Variants in PDE4DIP observed in about 807,000 individuals in gnomAD.
The protein encoded by PDE4DIP is myomegalin.
In PDE4DIP, 59 loss-of-function variants were observed where a neutral mutation model predicts 221.4. That is an observed-to-expected ratio of 0.27 (90% CI 0.22 to 0.33). The LOEUF (loss-of-function observed/expected upper bound fraction) is 0.33, where lower values mean the gene tolerates loss of function less well. Among genes scored for constraint, PDE4DIP ranks in the 10% least tolerant of loss-of-function variants. The pLI is 1.00. For synonymous variants in PDE4DIP, 404 were observed against 815.9 expected, an observed-to-expected ratio of 0.50 and a Z score of 8.60; for missense variants, 1,036 against 2,154.2, an observed-to-expected ratio of 0.48 and a Z score of 10.28.
chr1:148,987,514 A>G (rs150067299), intron 21 of PDE4DIP, among the ~76,000 whole-genome samples: 1 of 152,212 alleles, frequency 6.6e-6, no homozygotes, highest in Non-Finnish European at 1.5e-5. Flanking sequence ...TTGGGCTGAG[A>G]GTATTAGACA....
At position 148,934,547 on chromosome 1, in the gene PDE4DIP, C is replaced by T. The variant is rs1235529870; in HGVS notation, c.518+2259C>T. Among the ~76,000 whole-genome samples the T allele has an allele frequency of 2.6e-5, 4 of 152,300 alleles. No individual in the cohort carries two copies. The South Asian group carries it at 6.2e-4, about 24-fold the overall frequency. ...GGAATTTCATATGGAGTCCACATTC[C>T]TCCTTCTCGTCATCATTGCAGTTTA... On this transcript the variant is annotated intron_variant, in intron 4 of 43. Coordinates refer to ENST00000369354, the Ensembl canonical transcript of PDE4DIP.
At chr1:148,982,928 C>T (rs587698537) in intron 21 of PDE4DIP, 1 of 152,110 alleles carries the variant, frequency 6.6e-6, no homozygotes, top group African/African-American at 2.4e-5. Context: ...CTAGAGTGGA[C>T]AGGGAGAAAA....
intron 5 of PDE4DIP, among the ~76,000 whole-genome samples, chr1:148,958,701 TAATG>T (rs1558991980): frequency 6.6e-6 from 1 of 150,838 alleles, no homozygotes; most frequent in African/African-American, 2.4e-5. Flanking sequence ...TCTCAGATAA[TAATG>T]TTATCTCATT....
chr1:148,988,513 T>G (rs1193873469), intron 21 of PDE4DIP, among the ~76,000 whole-genome samples: 2 of 35,032 alleles, frequency 5.7e-5, no homozygotes, highest in African/African-American at 1.1e-4. Flanking sequence ...AGACAGTCTA[T>G]CTCCATAGTT....
intron 18 of PDE4DIP, 112 bp downstream of exon 21, chr1:148,978,165 T>C: frequency 7.7e-7 from 1 of 1,300,720 alleles, no homozygotes; most frequent in Admixed American, 1.8e-5. Flanking sequence ...TGATTATCCA[T>C]ATCCCACTTG....
intron 21 of PDE4DIP, chr1:148,989,465 A>G: frequency 2.4e-6 from 1 of 409,650 alleles, no homozygotes; most frequent in Non-Finnish European, 3.4e-6. Context: ...GGCACCAGAA[A>G]GGCTGCCAAA....
At position 148,877,091 on chromosome 1, in the gene PDE4DIP, A is replaced by C. The variant is rs1243169658; in HGVS notation, c.441+8469A>C. On this transcript the variant is annotated intron_variant, in intron 3 of 45. Coordinates refer to the PDE4DIP transcript ENST00000524974. The stretch of plus-strand genomic sequence containing the variant: ...GTATTCTCTATACCAATACAATATT[A>C]GTACTCAAGGTGAGGATTATTTCAA... Among the ~76,000 whole-genome samples, 250 of 147,240 alleles carry C rather than the reference A, an allele frequency of 1.7e-3. 6 individuals carry two copies. In the East Asian group the frequency reaches 0.035, roughly 20 times the overall value.
chr1:148,984,305 C>T (rs2061553117), intron 21 of PDE4DIP: 1 of 152,072 alleles, frequency 6.6e-6, no homozygotes. Flanking sequence ...GTAATTTTTT[C>T]AGGACCTTTG....
intron 2 of PDE4DIP, chr1:148,929,489 C>A: frequency 5.2e-6 from 3 of 575,790 alleles, no homozygotes; most frequent in Non-Finnish European, 8.9e-6. Flanking sequence ...GTAAATCCAC[C>A]AGACCTAAGA....
rs1305429047 is a variant in PDE4DIP at position 148,841,675 on chromosome 1, AAGG to A, written c.234-21572_234-21570del. ...ACAAATTAAATAAGAAAAAAAATAAAAGGAGAATTTCTAGTGCTTTTGAGGCTA... is the reference window on the plus strand; with the variant it reads ...ACAAATTAAATAAGAAAAAAAATAAAAGAATTTCTAGTGCTTTTGAGGCTA... On this transcript the variant is annotated intron_variant, in intron 1 of 45. Coordinates refer to the PDE4DIP transcript ENST00000524974. 7.8e-5 allele frequency among the ~76,000 whole-genome samples: 5 copies of A among 63,942 alleles called. 1 individual carries two copies. Among genetic ancestry groups the A allele is most frequent in the Non-Finnish European group, 1.4e-4 (5 of 35,930 alleles). The allele number at this position is 63,942 out of a possible 152,430, so 41.9% of individuals were successfully genotyped here. A position where few individuals can be genotyped will look rare whatever the true frequency, so the allele number is the denominator to read the frequency against.
intron 2 of PDE4DIP, among the ~76,000 whole-genome samples, chr1:148,864,389 T>C (rs1553404943): frequency 7.1e-6 from 1 of 140,404 alleles, no homozygotes; most frequent in East Asian, 2.0e-4. Context: ...ACTATTAATG[T>C]ATTCCTAACA....
chr1:148,936,526 C>G (rs1372938298), intron 4 of PDE4DIP, among the ~76,000 whole-genome samples: 3 of 149,376 alleles, frequency 2.0e-5, no homozygotes, highest in Non-Finnish European at 4.5e-5. Flanking sequence ...AGATAACAAA[C>G]AGTACACCTG....
intron 29 of PDE4DIP, 95 bp from the exon 33 acceptor site, chr1:149,009,473 C>T: frequency 1.4e-6 from 1 of 698,012 alleles, no homozygotes; most frequent in South Asian, 1.7e-5. Flanking sequence ...AGGCATGGTC[C>T]CCTTGGCTTA....
At chr1:148,951,824 A>AC (rs1553488920) in intron 5 of PDE4DIP, 1 of 156,144 alleles carries the variant, frequency 6.4e-6, no homozygotes, top group African/African-American at 2.4e-5. Context: ...CAAGGGAGAA[A>AC]CACTCCTCTA....
chr1:148,819,954 G>T, intron 1 of PDE4DIP, among the ~76,000 whole-genome samples: 1 of 24,880 alleles, frequency 4.0e-5, no homozygotes. Flanking sequence ...TTGAGGCGGA[G>T]TCCTGCTCTG....
chr1:149,023,600 GTA>G (rs375123983), intron 37 of PDE4DIP, among the ~76,000 whole-genome samples: 1 of 143,740 alleles, frequency 7.0e-6, no homozygotes, highest in South Asian at 2.2e-4. Context: ...ATATGTACAT[GTA>G]TATGTGTGCA....
chr1:148,960,879 A>G (rs1198068294), intron 6 of PDE4DIP, 94 bp downstream of exon 9: 1 of 539,938 alleles, frequency 1.9e-6, no homozygotes, highest in East Asian at 2.9e-5. Context: ...AGGACTTGGG[A>G]GATGAATACT....
At chr1:148,985,122 C>T (rs1553548031) in intron 21 of PDE4DIP, 1 of 152,014 alleles carries the variant, frequency 6.6e-6, no homozygotes, top group African/African-American at 2.4e-5. Flanking sequence ...TTTTCTTTTC[C>T]AGGTATATCC....
intron 41 of PDE4DIP, 111 bp downstream of exon 44, chr1:149,028,814 G>A (rs1553633045): frequency 4.5e-6 from 3 of 662,940 alleles, no homozygotes; most frequent in South Asian, 1.9e-5. Context: ...CACATAGTGA[G>A]TTGGGATAGA....
Sources: allele counts gnomAD v4.1 joint callset (sites outside exome capture counted in the v4.1 genomes callset), GRCh38; gene constraint gnomAD v4.1.1; transcripts MANE v1.5; gene names NCBI Gene and HGNC (gene_info 2026-07-23, HGNC 2026-07-21).